Variants in NRP2 observed in about 807,000 individuals in gnomAD.
NRP2 encodes neuropilin-2.
Under a neutral mutation model 110.4 loss-of-function variants are expected in NRP2, and 52 were observed. The ratio of observed to expected loss-of-function variants is 0.47; its 90% CI spans 0.38 to 0.59. NRP2 has a LOEUF of 0.59. NRP2 is among the 20% of genes least tolerant of loss of function. The pLI, the probability that NRP2 is intolerant of heterozygous loss-of-function variation, is 0.00. For missense variants in NRP2, 1,049 were observed against 1,203.0 expected, an observed-to-expected ratio of 0.87 and a Z score of 1.89; for synonymous variants, 508 against 468.9, an observed-to-expected ratio of 1.08 and a Z score of -1.08.
chr2:205,732,829 T>C (rs2057266388), intron 7 of NRP2, among the ~76,000 whole-genome samples: 1 of 152,224 alleles, frequency 6.6e-6, no homozygotes, highest in Non-Finnish European at 1.5e-5. Context: ...CTCTTAGGGA[T>C]GCAATTATGC....
intron 15 of NRP2, among the ~76,000 whole-genome samples, chr2:205,768,645 G>A (rs1343927399): frequency 1.3e-5 from 2 of 152,212 alleles, no homozygotes; most frequent in Non-Finnish European, 2.9e-5. Context: ...AATCTCATCT[G>A]AGCAGCAGTG....
Position 205,763,757 on chromosome 2 carries a change from C to T in NRP2, c.2128C>T (p.Pro710Ser), listed in dbSNP as rs897134761. The change falls in exon 13 of 17, where the codon CCC (proline) becomes TCC (serine). Residue 710 changes from proline to serine, a missense_variant. Physicochemically the swap from Pro to Ser is moderately conservative, Grantham distance 74 (BLOSUM62 -1). Coordinates refer to ENST00000357785, the MANE Select transcript of NRP2 (RefSeq NM_003872.3). The surrounding 1 kb of genome is among the most constrained non-coding windows in gnomAD (Gnocchi z 4.0). ...GCTCATCAGCCCCCCTGTCCACCTG[C>T]CCCGAAGCCCGGTGTGCATGGAGTT... Reference protein sequence around the residue: ...ARLISPPVHLPRSPVCMEFQY... With the variant: ...ARLISPPVHLSRSPVCMEFQY... The T allele has an allele frequency of 3.1e-6, 5 of 1,614,214 alleles. No homozygotes were observed. The highest frequency in any genetic ancestry group is 4.2e-6 in the Non-Finnish European group (5 of 1,180,032).
intron 12 of NRP2, chr2:205,756,797 G>A (rs1378463630): frequency 2.0e-5 from 3 of 152,174 alleles, no homozygotes; most frequent in Non-Finnish European, 4.4e-5. Context: ...GTGTTCAGTG[G>A]CTGGTATCTT....
intron 8 of NRP2, 132 bp downstream of exon 8, chr2:205,740,795 A>G (rs2057426441): frequency 2.0e-6 from 2 of 988,444 alleles, no homozygotes. Context: ...CTCAAGTCCT[A>G]CCAGAGTTTG....
At chr2:205,792,341 G>T (rs759112959) in intron 16 of NRP2, 56 bp downstream of exon 16, 1 of 1,323,044 alleles carries the variant, frequency 7.6e-7, no homozygotes, top group Non-Finnish European at 1.1e-6. Context: ...GGTTATAAAG[G>T]TGTCAACAAA....
intron 10 of NRP2, 119 bp from the exon 11 acceptor site, chr2:205,749,606 G>T: frequency 1.2e-6 from 1 of 812,658 alleles, no homozygotes; most frequent in Non-Finnish European, 2.2e-6. Context: ...TGACTTCAGA[G>T]TTCCGTGCAC....
intron 2 of NRP2, among the ~76,000 whole-genome samples, chr2:205,712,735 A>C (rs1346260083): frequency 2.0e-5 from 3 of 152,214 alleles, no homozygotes; most frequent in African/African-American, 4.8e-5. Context: ...CCAGAAGACC[A>C]TGTGGTTAAG....
At chr2:205,730,873 T>A (rs546156699) in intron 7 of NRP2, among the ~76,000 whole-genome samples, 1 of 152,364 alleles carries the variant, frequency 6.6e-6, no homozygotes, top group East Asian at 1.9e-4. Flanking sequence ...TCCTTTTTAC[T>A]GCCAGTGGGT....
intron 2 of NRP2, among the ~76,000 whole-genome samples, chr2:205,706,880 C>T (rs763219280): frequency 1.2e-4 from 18 of 152,184 alleles, no homozygotes; most frequent in Non-Finnish European, 2.5e-4. Flanking sequence ...GCCAGGGCCT[C>T]CACTGGTCGC....
rs527807333 is a variant in NRP2 at position 205,697,778 on chromosome 2, C to G, written c.251+57C>G. ...ATCCATGAGATGCACACGCCCTGCC[C>G]CCACCCCTGCTCTTGTCACTTCTAT... On this transcript the variant is annotated intron_variant, in intron 2 of 16. Coordinates refer to ENST00000357785, the MANE Select transcript of NRP2 (RefSeq NM_003872.3). 4.5e-5 allele frequency: 68 copies of G among 1,513,096 alleles called. No homozygotes were observed. In the African/African-American group the frequency reaches 8.9e-4, roughly 20 times the overall value. The allele number at this position is 1,513,096 out of a possible 1,614,324, so 93.7% of individuals were successfully genotyped here.
chr2:205,729,624 G>A (rs1235580927), intron 7 of NRP2, among the ~76,000 whole-genome samples: 1 of 152,220 alleles, frequency 6.6e-6, no homozygotes, highest in Admixed American at 6.5e-5. Context: ...AAGCAGCACA[G>A]GCCCAGAGGG....
intron 7 of NRP2, among the ~76,000 whole-genome samples, chr2:205,734,071 A>G (rs2057294939): frequency 6.6e-6 from 1 of 152,124 alleles, no homozygotes; most frequent in East Asian, 1.9e-4. Flanking sequence ...GTAAAGGAGG[A>G]TGAGAGCAGA....
intron 5 of NRP2, among the ~76,000 whole-genome samples, chr2:205,724,947 G>A (rs1463479855): frequency 6.6e-6 from 1 of 152,142 alleles, no homozygotes; most frequent in Non-Finnish European, 1.5e-5. Flanking sequence ...GATTATAGGT[G>A]TGAGCCACCA....
intron 15 of NRP2, among the ~76,000 whole-genome samples, chr2:205,783,833 A>G (rs1227134222): frequency 6.6e-6 from 1 of 152,192 alleles, no homozygotes; most frequent in African/African-American, 2.4e-5. Context: ...AGTGGCTTTG[A>G]CTTTGAACAT....
At chr2:205,745,419 G>C (rs1043776818) in intron 9 of NRP2, among the ~76,000 whole-genome samples, 2 of 152,166 alleles carry the variant, frequency 1.3e-5, no homozygotes, top group African/African-American at 4.8e-5. Context: ...TCTAGCCAAA[G>C]TCAGCTGAAA....
At chr2:205,794,438 T>C (rs1357102768) in intron 16 of NRP2, among the ~76,000 whole-genome samples, 1 of 152,194 alleles carries the variant, frequency 6.6e-6, no homozygotes, top group Admixed American at 6.5e-5. Context: ...GGATACTTAG[T>C]ACTTACTATG....
Position 205,722,644 on chromosome 2 carries a change from T to C in NRP2, c.600T>C (p.Pro200=). The C allele has an allele frequency of 6.2e-7, 1 of 1,614,178 alleles. No homozygotes were observed. The highest frequency in any genetic ancestry group is 1.1e-5 in the South Asian group (1 of 91,080). ...TGATCTTTGACCTGGAGCATGACCC[T>C]TTGCAGGTGGGAGAGGGGGACTGCA... ...QFLIFDLEHD[P]LQVGEGDCKY... The change falls in exon 4 of 17, where the codon CCT becomes CCC. Residue 200 remains proline (P), a synonymous_variant. Transcript: ENST00000357785.
chr2:205,714,930 T>C (rs1024241993), intron 2 of NRP2, among the ~76,000 whole-genome samples: 3 of 152,216 alleles, frequency 2.0e-5, no homozygotes, highest in African/African-American at 7.2e-5. Context: ...GATCCTTGTA[T>C]GTGACAGGAT....
In NRP2 at chr2:205,683,208, G is replaced by A; in HGVS notation, c.-83G>A. ...AAACCTCTGCATAAGACGTTGTAAG[G>A]AGGAAAATAAAAGAGAGAAAAACAC... is the stretch of plus-strand genomic sequence containing the variant. On this transcript the variant is annotated 5_prime_UTR_variant, in exon 1 of 17. Coordinates refer to ENST00000357785, the MANE Select transcript of NRP2 (RefSeq NM_003872.3). 5 of 1,020,784 alleles carry A rather than the reference G, an allele frequency of 4.9e-6. No individual in the cohort carries two copies. Among genetic ancestry groups the A allele is most frequent in the East Asian group, 2.5e-5 (1 of 40,168 alleles). The allele number at this position is 1,020,784 out of a possible 1,614,324, so 63.2% of individuals were successfully genotyped here.
Sources: gnomAD v4.1 joint callset for allele counts (sites outside exome capture counted in the v4.1 genomes callset) on GRCh38, gnomAD v4.1.1 for gene constraint, Gnocchi (gnomAD v3.1) non-coding constraint, MANE v1.5 for transcripts, NCBI Gene and HGNC (gene_info 2026-07-23, HGNC 2026-07-21) for gene names.